Variants in FANK1 observed in about 807,000 individuals in gnomAD.
FANK1 encodes the protein fibronectin type 3 and ankyrin repeat domains protein 1.
Under a neutral mutation model 45.3 loss-of-function variants are expected in FANK1, and 44 were observed. The ratio of observed to expected loss-of-function variants is 0.97; its 90% CI spans 0.76 to 1.25. FANK1 has a LOEUF of 1.25. FANK1 is among the 50% of genes most tolerant of loss of function. The pLI, the probability that FANK1 is intolerant of heterozygous loss-of-function variation, is 0.00. For missense variants in FANK1, 391 were observed against 424.4 expected, an observed-to-expected ratio of 0.92 and a Z score of 0.69; for synonymous variants, 149 against 152.5, an observed-to-expected ratio of 0.98 and a Z score of 0.17.
At chr10:125,973,940 A>G (rs1406436743) in intron 1 of FANK1, among the ~76,000 whole-genome samples, 1 of 152,098 alleles carries the variant, frequency 6.6e-6, no homozygotes, top group Non-Finnish European at 1.5e-5. Flanking sequence ...CATGTTTTCC[A>G]CCCATCCATT....
At chr10:125,923,237 C>T in intron 1 of FANK1, among the ~76,000 whole-genome samples, 1 of 150,996 alleles carries the variant, frequency 6.6e-6, no homozygotes, top group African/African-American at 2.4e-5. Flanking sequence ...GGTGGGAGGA[C>T]CACTTGACTA....
At position 125,932,960 on chromosome 10, in the gene FANK1, A is replaced by G. The variant is rs150749646; in HGVS notation, c.13+36305A>G. 3.8e-4 allele frequency among the ~76,000 whole-genome samples: 58 copies of G among 152,162 alleles called. No homozygotes were observed. The East Asian group carries it at 7.9e-3, about 21-fold the overall frequency. Reference sequence around the variant, plus strand: ...TGCATTTTCTGCATCTATTGAGATCATGTCATTTTTTTTTAAATTTTGTTT... The same window carrying G: ...TGCATTTTCTGCATCTATTGAGATCGTGTCATTTTTTTTTAAATTTTGTTT... On this transcript the variant is annotated intron_variant, in intron 1 of 10. Transcript: ENST00000368693.
At chr10:125,986,290 T>C (rs538717135) in intron 2 of FANK1, among the ~76,000 whole-genome samples, 5 of 152,278 alleles carry the variant, frequency 3.3e-5, no homozygotes, top group African/African-American at 9.6e-5. Flanking sequence ...GCTCTGCTGG[T>C]GCTACACCCG....
intron 1 of FANK1, among the ~76,000 whole-genome samples, chr10:125,966,434 C>T (rs887766497): frequency 6.6e-6 from 1 of 152,128 alleles, no homozygotes; most frequent in Non-Finnish European, 1.5e-5. Context: ...TCCCTCTGCA[C>T]CTGCCTCCCC....
At position 126,008,987 on chromosome 10, in the gene FANK1, A is replaced by C. The variant is rs1953449833; in HGVS notation, c.850-67A>C. The C allele has an allele frequency of 6.7e-6, 10 of 1,488,902 alleles. No individual in the cohort carries two copies. In the South Asian group the frequency reaches 1.1e-4, roughly 16 times the overall value. The allele number at this position is 1,488,902 out of a possible 1,614,324, so 92.2% of individuals were successfully genotyped here. A position where few individuals can be genotyped will look rare whatever the true frequency, so the allele number is the denominator to read the frequency against. On this transcript the variant is annotated intron_variant, in intron 8 of 10. Transcript: ENST00000368693. ...CTGGGACCCTGCATGTGCCAGGCTCATGCCCCCTGCTGTGTGTGCCCTGGA... is the reference window on the plus strand; with the variant it reads ...CTGGGACCCTGCATGTGCCAGGCTCCTGCCCCCTGCTGTGTGTGCCCTGGA...
In FANK1 at chr10:125,988,580, G is replaced by A. The variant is rs1358405332; in HGVS notation, c.221G>A (p.Gly74Asp). Residue 74 changes from glycine (G) to aspartate (D), a missense_variant, in exon 3 of 11, where the codon GGT (glycine) becomes GAT (aspartate). By Grantham distance (94) the Gly-to-Asp change is moderately conservative (BLOSUM62 -1). Transcript: ENST00000368693. Reference protein sequence around the residue: ...TGYATKHVVEGLEPRTLYRFR... With the variant: ...TGYATKHVVEDLEPRTLYRFR... The stretch of plus-strand genomic sequence containing the variant: ...TATGCAACGAAGCATGTTGTTGAAG[G>A]TCTGGAACCAAGGACGCTGTACAGA... The A allele has an allele frequency of 3.7e-6, 6 of 1,614,192 alleles. No individual in the cohort carries two copies. The highest frequency in any genetic ancestry group is 5.1e-6 in the Non-Finnish European group (6 of 1,180,034).
Position 125,988,657 on chromosome 10 carries a change from G to A in FANK1, c.298G>A (p.Val100Ile), listed in dbSNP as rs142174855. 1.1e-3 allele frequency: 1,729 copies of A among 1,614,010 alleles called. 2 individuals are homozygous for A. The highest frequency in any genetic ancestry group is 1.4e-3 in the Non-Finnish European group (1,652 of 1,180,038). ...TGGGGAGTGTGAGTACAGCCCACTC[G>A]TCTCAGTGTCTACAACCAGTGAGTA... The part of the protein sequence containing the change: ...PSGECEYSPL[V>I]SVSTTREPIS... Residue 100 changes from valine (V) to isoleucine (I), a missense_variant, in exon 3 of 11, where the codon GTC becomes ATC. Val to Ile is a conservative substitution (Grantham distance 29, BLOSUM62 3). Transcript: ENST00000368693.
intron 1 of FANK1, among the ~76,000 whole-genome samples, chr10:125,951,478 T>C (rs1056337491): frequency 6.6e-6 from 1 of 152,126 alleles, no homozygotes; most frequent in African/African-American, 2.4e-5. Context: ...AAGTTCAAGG[T>C]ACTTAGGGAC....
intron 6 of FANK1, among the ~76,000 whole-genome samples, chr10:125,997,968 C>T (rs1052839785): frequency 6.6e-6 from 1 of 152,186 alleles, no homozygotes; most frequent in African/African-American, 2.4e-5. Context: ...GGCACATGTC[C>T]CCTTGGAGGG....
chr10:126,004,744 G>A (rs938557541), intron 6 of FANK1, 140 bp from the exon 7 acceptor site: 22 of 740,562 alleles, frequency 3.0e-5, no homozygotes, highest in Admixed American at 4.7e-5. Flanking sequence ...TGATGGATAC[G>A]TGTACGTTTT....
At chr10:125,999,182 G>T (rs1952565920) in intron 6 of FANK1, among the ~76,000 whole-genome samples, 1 of 149,244 alleles carries the variant, frequency 6.7e-6, no homozygotes, top group Non-Finnish European at 1.5e-5. Flanking sequence ...AACTTGGCAT[G>T]TATGTTAAAA....
Position 126,009,460 on chromosome 10 carries a change from A to C in FANK1, c.*22A>C. On this transcript the variant is annotated 3_prime_UTR_variant, in exon 11 of 11. Transcript: ENST00000368693. ...CTGATGAGAGCACCACTCATCTGCG[A>C]AACGCACGTAAAACAAAGTGAACCG... The C allele has an allele frequency of 6.2e-7, 1 of 1,611,490 alleles. No individual in the cohort carries two copies. The highest frequency in any genetic ancestry group is 1.1e-5 in the South Asian group (1 of 90,114).
intron 6 of FANK1, among the ~76,000 whole-genome samples, chr10:126,001,417 A>T (rs545833710): frequency 6.6e-6 from 1 of 152,348 alleles, no homozygotes; most frequent in South Asian, 2.1e-4. Flanking sequence ...AGAACAAGAG[A>T]GAAAAGACGG....
chr10:125,949,068 AC>A (rs537041627), intron 1 of FANK1, among the ~76,000 whole-genome samples: 2,013 of 151,074 alleles, frequency 0.013, 17 homozygotes, highest in Non-Finnish European at 0.022. Context: ...AAATTCAACA[AC>A]CCTTCATGCT....
chr10:125,963,617 A>G (rs1027624264), intron 1 of FANK1, among the ~76,000 whole-genome samples: 2 of 152,194 alleles, frequency 1.3e-5, no homozygotes, highest in African/African-American at 4.8e-5. Flanking sequence ...GCTGGAAACC[A>G]TCATTCTCAG....
At chr10:125,969,871 A>G (rs1950387790) in intron 1 of FANK1, among the ~76,000 whole-genome samples, 1 of 152,206 alleles carries the variant, frequency 6.6e-6, no homozygotes, top group African/African-American at 2.4e-5. Flanking sequence ...AACAAAGCAC[A>G]TCTTGCACTG....
intron 1 of FANK1, among the ~76,000 whole-genome samples, chr10:125,916,351 C>T (rs1272243878): frequency 2.6e-5 from 4 of 152,070 alleles, no homozygotes; most frequent in Non-Finnish European, 5.9e-5. Flanking sequence ...ATAGAATTCT[C>T]ATCTATAAAA....
chr10:126,007,212 T>A (rs1029740011), intron 7 of FANK1: 3 of 152,232 alleles, frequency 2.0e-5, no homozygotes, highest in Non-Finnish European at 2.9e-5. Flanking sequence ...AGTGACTTAT[T>A]TACTTGGCGA....
At chr10:126,005,340 C>T (rs531965150) in intron 7 of FANK1, among the ~76,000 whole-genome samples, 1 of 143,744 alleles carries the variant, frequency 7.0e-6, no homozygotes, top group South Asian at 2.2e-4. Context: ...TGGAGTCTCA[C>T]TCTGTCGCCC....
Sources: allele counts gnomAD v4.1 joint callset (sites outside exome capture counted in the v4.1 genomes callset), GRCh38; gene constraint gnomAD v4.1.1; transcripts MANE v1.5; gene names NCBI Gene and HGNC (gene_info 2026-07-23, HGNC 2026-07-21).